The following CLDN10 variants were observed in gnomAD, a reference collection of about 807,000 sequenced individuals.
CLDN10 encodes claudin-10.
In CLDN10, 15 loss-of-function variants were observed where a neutral mutation model predicts 22.9. The observed-to-expected ratio is 0.65, with a 90% CI of 0.44 to 1.01. The LOEUF (loss-of-function observed/expected upper bound fraction) is 1.01. CLDN10 is among the 50% of genes least tolerant of loss of function. CLDN10 has a pLI of 0.00. For missense variants in CLDN10, 247 were observed against 287.8 expected (o/e 0.86, Z 1.03); for synonymous variants, 114 against 111.4 (o/e 1.02, Z -0.15).
At chr13:95,459,069 T>C (rs1255565660) in intron 1 of CLDN10, among the ~76,000 whole-genome samples, 1 of 152,198 alleles carries the variant, frequency 6.6e-6, no homozygotes, top group Non-Finnish European at 1.5e-5. Context: ...AATATCTCCT[T>C]TGACGCCATG....
chr13:95,491,671 C>T (rs866348585), intron 1 of CLDN10, among the ~76,000 whole-genome samples: 8 of 151,964 alleles, frequency 5.3e-5, no homozygotes, highest in East Asian at 1.9e-4. Context: ...CAGGTAAATC[C>T]GGGATTTCTT....
At chr13:95,497,674 G>T (rs1262925551) in intron 1 of CLDN10, among the ~76,000 whole-genome samples, 1 of 152,176 alleles carries the variant, frequency 6.6e-6, no homozygotes, top group South Asian at 2.1e-4. Context: ...GCAATTTCAG[G>T]GGCTTAAGTG....
intron 1 of CLDN10, among the ~76,000 whole-genome samples, chr13:95,534,212 G>T (rs995844545): frequency 6.6e-6 from 1 of 152,050 alleles, no homozygotes; most frequent in Non-Finnish European, 1.5e-5. Flanking sequence ...TATGTAGAAG[G>T]TTACATATGA....
intron 3 of CLDN10, among the ~76,000 whole-genome samples, chr13:95,576,718 T>C (rs2043934017): frequency 6.6e-6 from 1 of 152,212 alleles, no homozygotes; most frequent in African/African-American, 2.4e-5. Flanking sequence ...TTAATAGTAA[T>C]TTATCACTAA....
chr13:95,436,295 C>T (rs530279664), intron 1 of CLDN10, among the ~76,000 whole-genome samples: 6 of 151,998 alleles, frequency 3.9e-5, no homozygotes, highest in Non-Finnish European at 8.8e-5. Context: ...GTGATCCTCC[C>T]ACCTCAGCCT....
At chr13:95,546,828 G>A (rs967651936) in intron 1 of CLDN10, among the ~76,000 whole-genome samples, 6 of 152,046 alleles carry the variant, frequency 3.9e-5, no homozygotes, top group Non-Finnish European at 7.4e-5. Flanking sequence ...TCAGCTTCTC[G>A]TCCCAGTGCT....
intron 1 of CLDN10, among the ~76,000 whole-genome samples, chr13:95,438,021 AG>A (rs2042288443): frequency 6.6e-6 from 1 of 152,212 alleles, no homozygotes; most frequent in Admixed American, 6.5e-5. Context: ...TAATTGTTAT[AG>A]TTGCTCATGG....
intron 1 of CLDN10, among the ~76,000 whole-genome samples, chr13:95,445,744 C>T (rs1010984269): frequency 2.6e-5 from 4 of 152,164 alleles, no homozygotes; most frequent in African/African-American, 7.2e-5. Flanking sequence ...TTAGTTTGAC[C>T]GAGTTTAATT....
At chr13:95,537,824 G>A (rs929631159) in intron 1 of CLDN10, among the ~76,000 whole-genome samples, 1 of 152,158 alleles carries the variant, frequency 6.6e-6, no homozygotes, top group Non-Finnish European at 1.5e-5. Context: ...AACACTCACC[G>A]GGGTAATTTG....
At chr13:95,528,871 T>A (rs998293599) in intron 1 of CLDN10, among the ~76,000 whole-genome samples, 9 of 152,166 alleles carry the variant, frequency 5.9e-5, no homozygotes, top group African/African-American at 2.2e-4. Flanking sequence ...AGAGAGAAGT[T>A]AAGTAGGTCA....
intron 1 of CLDN10, among the ~76,000 whole-genome samples, chr13:95,556,228 TAGAG>T (rs1394457106): frequency 6.6e-6 from 1 of 152,062 alleles, no homozygotes; most frequent in Non-Finnish European, 1.5e-5. Context: ...GTATTTTTAG[TAGAG>T]ACAGGGTTTC....
At chr13:95,446,046 A>T (rs1001130648) in intron 1 of CLDN10, among the ~76,000 whole-genome samples, 5 of 152,162 alleles carry the variant, frequency 3.3e-5, no homozygotes, top group African/African-American at 7.2e-5. Context: ...ATGGAAAAAA[A>T]ATATATAGGG....
chr13:95,528,256 A>G (rs1361944634), intron 1 of CLDN10, among the ~76,000 whole-genome samples: 1 of 151,050 alleles, frequency 6.6e-6, no homozygotes, highest in East Asian at 1.9e-4. Context: ...GTGGTAGTGA[A>G]TAAGTCTCAT....
chr13:95,477,120 G>C (rs2042692264), intron 1 of CLDN10, among the ~76,000 whole-genome samples: 1 of 152,198 alleles, frequency 6.6e-6, no homozygotes, highest in Non-Finnish European at 1.5e-5. Context: ...ACTGAAGAGA[G>C]AGTTTCTTAC....
intron 1 of CLDN10, among the ~76,000 whole-genome samples, chr13:95,487,478 G>T (rs184936301): frequency 1.3e-5 from 2 of 152,248 alleles, no homozygotes; most frequent in East Asian, 3.9e-4. Context: ...TTTCTGTCAT[G>T]TAGAAGTTAT....
intron 1 of CLDN10, 78 bp downstream of exon 1, chr13:95,553,051 AC>A: frequency 6.5e-7 from 1 of 1,544,122 alleles, no homozygotes. Flanking sequence ...CGCCCCCAAT[AC>A]CCCCAGCGGG....
At chr13:95,570,883 T>TATATATATATATAG (rs1491015387) in intron 3 of CLDN10, among the ~76,000 whole-genome samples, 1 of 140,210 alleles carries the variant, frequency 7.1e-6, no homozygotes, top group Non-Finnish European at 1.6e-5. Context: ...TATATATATA[T>TATATATATATATAG]AGACCAGTTT....
chr13:95,575,881 T>C (rs1680571970), intron 3 of CLDN10, among the ~76,000 whole-genome samples: 2 of 152,206 alleles, frequency 1.3e-5, no homozygotes, highest in Admixed American at 1.3e-4. Flanking sequence ...GGGCCCCGTG[T>C]CCCTGATCAA....
At chr13:95,447,742 C>A (rs2042394093) in intron 1 of CLDN10, among the ~76,000 whole-genome samples, 1 of 147,544 alleles carries the variant, frequency 6.8e-6, no homozygotes, top group Non-Finnish European at 1.5e-5. Context: ...AGTGCACATG[C>A]GTGTGTGTGT....
Sources: gnomAD v4.1 joint callset for allele counts (sites outside exome capture counted in the v4.1 genomes callset) on GRCh38, gnomAD v4.1.1 for gene constraint, MANE v1.5 for transcripts, NCBI Gene and HGNC (gene_info 2026-07-23, HGNC 2026-07-21) for gene names.